Variants in SEMA3E observed in about 807,000 individuals in gnomAD.
The protein encoded by SEMA3E is semaphorin-3E.
A neutral mutation model predicts 93.6 loss-of-function variants in SEMA3E; 49 were observed. The observed-to-expected ratio is 0.52, with a 90% CI of 0.42 to 0.66. SEMA3E has a LOEUF of 0.66. Among genes scored for constraint, SEMA3E ranks in the 30% least tolerant of loss-of-function variants. The probability of loss-of-function intolerance (pLI) is 0.00; values close to 1 mark genes in which losing one functional copy is unlikely to be tolerated. For missense variants in SEMA3E, 906 were observed against 964.8 expected (o/e 0.94, Z 0.81); for synonymous variants, 363 against 330.7 (o/e 1.10, Z -1.06).
chr7:83,464,407 C>T (rs1789705159), intron 4 of SEMA3E, among the ~76,000 whole-genome samples: 1 of 144,862 alleles, frequency 6.9e-6, no homozygotes, highest in African/African-American at 2.5e-5. Context: ...ACTATCTTGT[C>T]AAGTCATACT....
chr7:83,556,585 A>G (rs1791899898), intron 1 of SEMA3E, among the ~76,000 whole-genome samples: 1 of 152,196 alleles, frequency 6.6e-6, no homozygotes, highest in Admixed American at 6.6e-5. Context: ...AAACAGTGGA[A>G]GCATTTGTAG....
intron 4 of SEMA3E, among the ~76,000 whole-genome samples, chr7:83,455,426 G>A (rs1023619052): frequency 2.0e-5 from 3 of 151,976 alleles, no homozygotes; most frequent in African/African-American, 7.3e-5. Context: ...TTTCATTCTG[G>A]GCCTATGCCT....
chr7:83,462,218 G>C (rs2722997), intron 4 of SEMA3E: 4 of 151,882 alleles, frequency 2.6e-5, no homozygotes, highest in African/African-American at 9.7e-5. Context: ...AGGTAGGCCC[G>C]TCCCCTTCTT....
chr7:83,407,520 G>A (rs1223923064), intron 6 of SEMA3E, among the ~76,000 whole-genome samples: 5 of 152,020 alleles, frequency 3.3e-5, no homozygotes, highest in Non-Finnish European at 5.9e-5. Flanking sequence ...CATGCAATGC[G>A]AACTTAAAAT....
At chr7:83,633,771 A>G (rs3801576) in intron 1 of SEMA3E, among the ~76,000 whole-genome samples, 5,995 of 152,240 alleles carry the variant, frequency 0.039, 174 homozygotes, top group East Asian at 0.14. Context: ...GAGGAAAAAA[A>G]AAATAGTCAT....
At chr7:83,463,346 C>CA in intron 4 of SEMA3E, among the ~76,000 whole-genome samples, 1 of 149,692 alleles carries the variant, frequency 6.7e-6, no homozygotes, top group African/African-American at 2.5e-5. Context: ...TAGAGGCCCT[C>CA]AAAATCACAA....
chr7:83,424,412 A>G (rs1026855413), intron 4 of SEMA3E, among the ~76,000 whole-genome samples: 1 of 152,118 alleles, frequency 6.6e-6, no homozygotes, highest in Non-Finnish European at 1.5e-5. Context: ...TACCACAGAG[A>G]GCTCCATTTG....
At chr7:83,596,372 C>G (rs77762109) in intron 1 of SEMA3E, among the ~76,000 whole-genome samples, 2 of 151,942 alleles carry the variant, frequency 1.3e-5, no homozygotes, top group African/African-American at 2.4e-5. Context: ...CTTCTTTTAA[C>G]GGAGAACGAT....
At chr7:83,393,665 T>C (rs1381254887) in intron 13 of SEMA3E, among the ~76,000 whole-genome samples, 2 of 152,186 alleles carry the variant, frequency 1.3e-5, no homozygotes, top group African/African-American at 4.8e-5. Flanking sequence ...TGGCTGAACA[T>C]TTAATATAAT....
At chr7:83,448,167 C>T (rs886414485) in intron 4 of SEMA3E, among the ~76,000 whole-genome samples, 11 of 152,146 alleles carry the variant, frequency 7.2e-5, no homozygotes, top group African/African-American at 2.7e-4. Context: ...AATTAGCCCA[C>T]CAAATTTAAC....
chr7:83,493,739 T>C (rs1790432070), intron 1 of SEMA3E, among the ~76,000 whole-genome samples: 1 of 151,948 alleles, frequency 6.6e-6, no homozygotes, highest in Non-Finnish European at 1.5e-5. Flanking sequence ...ATCATAGCAC[T>C]AACTAGAGTT....
At position 83,505,285 on chromosome 7, in the gene SEMA3E, A is replaced by G. The variant is rs118102860; in HGVS notation, c.116-15011T>C. ...CTTATGTTACAAACCCAATCAAAAC[A>G]AATAAATGAATAAAAATTAACACAG... is the stretch of plus-strand genomic sequence containing the variant. On this transcript the variant is annotated intron_variant, in intron 1 of 16. Transcript: ENST00000643230. Among the ~76,000 whole-genome samples, 1,084 of 152,316 alleles carry G rather than the reference A, an allele frequency of 7.1e-3. 5 individuals carry two copies. Among genetic ancestry groups the G allele is most frequent in the Non-Finnish European group, 0.012 (809 of 68,024 alleles).
At chr7:83,387,186 T>C in intron 14 of SEMA3E, 136 bp from the exon 15 acceptor site, 1 of 754,328 alleles carries the variant, frequency 1.3e-6, no homozygotes, top group Non-Finnish European at 2.2e-6. Flanking sequence ...AAGAATAAAA[T>C]CCAAGTTTCA....
intron 4 of SEMA3E, among the ~76,000 whole-genome samples, chr7:83,465,426 A>G (rs970187497): frequency 2.0e-5 from 3 of 151,692 alleles, no homozygotes; most frequent in Non-Finnish European, 4.4e-5. Flanking sequence ...TAACAGCTGA[A>G]GTAGTTAAAG....
At chr7:83,389,331 A>AGTTC (rs1433303454) in intron 14 of SEMA3E, among the ~76,000 whole-genome samples, 17 of 149,768 alleles carry the variant, frequency 1.1e-4, no homozygotes, top group South Asian at 2.1e-4. Flanking sequence ...GATAGGAATA[A>AGTTC]AATCAACAAA....
At chr7:83,586,976 AT>A (rs760533745) in intron 1 of SEMA3E, among the ~76,000 whole-genome samples, 7 of 152,180 alleles carry the variant, frequency 4.6e-5, no homozygotes, top group Non-Finnish European at 8.8e-5. Flanking sequence ...GTGATTCTGC[AT>A]TTTGTACATT....
chr7:83,601,074 G>C (rs1186329722), intron 1 of SEMA3E, among the ~76,000 whole-genome samples: 2 of 152,254 alleles, frequency 1.3e-5, no homozygotes, highest in Admixed American at 1.3e-4. Flanking sequence ...ATGTGATGAC[G>C]AAAGCAGAGG....
intron 4 of SEMA3E, among the ~76,000 whole-genome samples, chr7:83,431,627 C>A (rs554474682): frequency 6.6e-6 from 1 of 152,148 alleles, no homozygotes; most frequent in South Asian, 2.1e-4. Flanking sequence ...TGGTCTCAAA[C>A]TCCTGACCTC....
At chr7:83,470,448 T>A (rs970199053) in intron 2 of SEMA3E, among the ~76,000 whole-genome samples, 1 of 152,144 alleles carries the variant, frequency 6.6e-6, no homozygotes, top group African/African-American at 2.4e-5. Flanking sequence ...TTTTGAACTT[T>A]ATTTTATTTT....
Sources: gnomAD v4.1 joint callset for allele counts (sites outside exome capture counted in the v4.1 genomes callset) on GRCh38, gnomAD v4.1.1 for gene constraint, MANE v1.5 for transcripts, NCBI Gene and HGNC (gene_info 2026-07-23, HGNC 2026-07-21) for gene names.